Variants in COX7B2 observed in about 807,000 individuals in gnomAD.
COX7B2 encodes the protein cytochrome c oxidase subunit 7B2, mitochondrial.
For synonymous variants in COX7B2, 37 were observed against 32.1 expected (o/e 1.15, Z -0.51); for missense variants, 109 against 95.9 (o/e 1.14, Z -0.57).
chr4:46,762,891 A>G (rs991940742), intron 2 of COX7B2, among the ~76,000 whole-genome samples: 3 of 144,448 alleles, frequency 2.1e-5, no homozygotes, highest in Non-Finnish European at 3.0e-5. Context: ...ATGCACAATC[A>G]CACTGTTCAT....
chr4:46,868,707 A>G (rs978078419), intron 1 of COX7B2, among the ~76,000 whole-genome samples: 3 of 152,116 alleles, frequency 2.0e-5, no homozygotes, highest in Non-Finnish European at 4.4e-5. Flanking sequence ...CCTGACTTCT[A>G]TTTGTTAATT....
chr4:46,872,453 T>C (rs1718051857), intron 1 of COX7B2, among the ~76,000 whole-genome samples: 1 of 152,108 alleles, frequency 6.6e-6, no homozygotes. Flanking sequence ...AACCTTCACA[T>C]GTACCCCTGA....
intron 2 of COX7B2, among the ~76,000 whole-genome samples, chr4:46,815,429 T>C (rs560025125): frequency 3.3e-5 from 5 of 152,324 alleles, no homozygotes; most frequent in African/African-American, 9.6e-5. Context: ...CTATCCTACT[T>C]GTTAATTCTA....
At chr4:46,863,589 TTAAAAC>T (rs1717465984) in intron 1 of COX7B2, among the ~76,000 whole-genome samples, 1 of 152,202 alleles carries the variant, frequency 6.6e-6, no homozygotes, top group South Asian at 2.1e-4. Context: ...CCTGTTCCTT[TTAAAAC>T]TTCTCAGATT....
chr4:46,848,961 G>A (rs576061224), intron 1 of COX7B2, among the ~76,000 whole-genome samples: 2 of 151,892 alleles, frequency 1.3e-5, no homozygotes, highest in Non-Finnish European at 2.9e-5. Context: ...TAGATTACCT[G>A]TAATAGCTAC....
chr4:46,852,779 C>T (rs780896629), intron 1 of COX7B2, among the ~76,000 whole-genome samples: 2 of 152,086 alleles, frequency 1.3e-5, no homozygotes, highest in Non-Finnish European at 2.9e-5. Context: ...CAATGCTTTG[C>T]CATCTTGTTT....
chr4:46,886,447 C>T (rs906407082), intron 1 of COX7B2, among the ~76,000 whole-genome samples: 7 of 152,178 alleles, frequency 4.6e-5, no homozygotes, highest in Admixed American at 1.3e-4. Context: ...AATAAGTTAT[C>T]GTTAACTATA....
intron 1 of COX7B2, among the ~76,000 whole-genome samples, chr4:46,891,693 C>T (rs1719437915): frequency 6.6e-6 from 1 of 152,138 alleles, no homozygotes; most frequent in Non-Finnish European, 1.5e-5. Flanking sequence ...TTGTTTAGCC[C>T]TTCATCCACT....
At chr4:46,791,708 GAAC>G (rs1228901003) in intron 2 of COX7B2, among the ~76,000 whole-genome samples, 18 of 152,130 alleles carry the variant, frequency 1.2e-4, no homozygotes, top group African/African-American at 2.7e-4. Flanking sequence ...AGTGTAAAAA[GAAC>G]AACAAGTTTT....
intron 1 of COX7B2, among the ~76,000 whole-genome samples, chr4:46,846,082 A>C (rs906963940): frequency 3.3e-5 from 5 of 152,078 alleles, no homozygotes; most frequent in African/African-American, 1.2e-4. Context: ...AGAAATGGCA[A>C]GTTTCAAACG....
At chr4:46,833,687 A>G (rs1056094400) in intron 2 of COX7B2, among the ~76,000 whole-genome samples, 13 of 152,192 alleles carry the variant, frequency 8.5e-5, no homozygotes, top group African/African-American at 3.1e-4. Context: ...ATGTCACTTC[A>G]TAATACTGTG....
rs185506576 is a variant in COX7B2 at position 46,887,604 on chromosome 4, G to A, written c.-105+21556C>T. ...CAGGCGCCTGTAGTCCCAGCTACTC[G>A]GGAGGCTGAGGCAGAAGAATGGCAT... is the stretch of plus-strand genomic sequence containing the variant. On this transcript the variant is annotated intron_variant, in intron 1 of 2. Transcript: ENST00000355591. 3.3e-4 allele frequency among the ~76,000 whole-genome samples: 50 copies of A among 151,614 alleles called. 1 individual carries two copies. The East Asian group carries it at 9.2e-3, about 28-fold the overall frequency.
At chr4:46,821,892 T>A (rs73142953) in intron 2 of COX7B2, among the ~76,000 whole-genome samples, 6,121 of 149,942 alleles carry the variant, frequency 0.041, 323 homozygotes, top group African/African-American at 0.13. Flanking sequence ...AGGTTATTCA[T>A]TTTTTTTTGT....
At chr4:46,892,295 GGAGT>G (rs1165305089) in intron 1 of COX7B2, among the ~76,000 whole-genome samples, 4 of 152,266 alleles carry the variant, frequency 2.6e-5, no homozygotes, top group South Asian at 2.1e-4. Flanking sequence ...AAAGGTTAGT[GGAGT>G]AAGTACATCA....
intron 2 of COX7B2, among the ~76,000 whole-genome samples, chr4:46,810,409 G>A (rs1428782580): frequency 6.6e-6 from 1 of 151,706 alleles, no homozygotes; most frequent in Non-Finnish European, 1.5e-5. Context: ...GCTAACTTTT[G>A]TTTCTTTTAT....
intron 2 of COX7B2, among the ~76,000 whole-genome samples, chr4:46,798,739 G>A (rs915726497): frequency 2.7e-4 from 41 of 152,106 alleles, no homozygotes; most frequent in African/African-American, 9.9e-4. Context: ...AAGCCATAAA[G>A]TTGGCATGTA....
intron 1 of COX7B2, among the ~76,000 whole-genome samples, chr4:46,846,750 A>C (rs1716303652): frequency 6.6e-6 from 1 of 152,112 alleles, no homozygotes; most frequent in African/African-American, 2.4e-5. Context: ...GCATTTTTAC[A>C]AAGTGGAGAG....
At chr4:46,873,186 T>G (rs1276434959) in intron 1 of COX7B2, among the ~76,000 whole-genome samples, 1 of 152,200 alleles carries the variant, frequency 6.6e-6, no homozygotes, top group Admixed American at 6.5e-5. Context: ...TATTCTATGG[T>G]GTATATGTGC....
chr4:46,810,864 TGTCA>T (rs898274461), intron 2 of COX7B2, among the ~76,000 whole-genome samples: 3 of 152,196 alleles, frequency 2.0e-5, no homozygotes, highest in African/African-American at 7.2e-5. Context: ...TATGCTTGTC[TGTCA>T]AAGAAGTATT....
Sources: gnomAD v4.1 joint callset for allele counts (sites outside exome capture counted in the v4.1 genomes callset) on GRCh38, gnomAD v4.1.1 for gene constraint, MANE v1.5 for transcripts, NCBI Gene and HGNC (gene_info 2026-07-23, HGNC 2026-07-21) for gene names.